The following RORC variants were observed in gnomAD, a reference collection of about 807,000 sequenced individuals.
RORC encodes the protein nuclear receptor ROR-gamma.
Under a neutral mutation model 64.5 loss-of-function variants are expected in RORC, and 13 were observed. The observed-to-expected ratio is 0.20, with a 90% CI of 0.13 to 0.32. The LOEUF is 0.32. Ranked by LOEUF, RORC falls within the 10% of genes least tolerant of loss-of-function variation. RORC has a pLI of 1.00. For missense variants in RORC, 468 were observed against 669.5 expected (o/e 0.70, Z 3.32); for synonymous variants, 277 against 259.3 (o/e 1.07, Z -0.65).
intron 2 of RORC, among the ~76,000 whole-genome samples, chr1:151,817,592 C>T (rs968468715): frequency 6.9e-5 from 10 of 144,254 alleles, no homozygotes; most frequent in African/African-American, 2.4e-4. Flanking sequence ...AGTTGAAAAG[C>T]TCCAGTTGCC....
chr1:151,826,561 C>T (rs1343017692), intron 2 of RORC, among the ~76,000 whole-genome samples: 3 of 152,206 alleles, frequency 2.0e-5, no homozygotes, highest in Admixed American at 6.5e-5. Flanking sequence ...CACTCCCATG[C>T]CCACGCTCCT....
intron 2 of RORC, among the ~76,000 whole-genome samples, chr1:151,824,960 G>A (rs142710558): frequency 5.4e-4 from 82 of 152,288 alleles, no homozygotes; most frequent in African/African-American, 2.0e-3. Context: ...GGTTGAAGCT[G>A]GGGCTGCTTC....
intron 2 of RORC, among the ~76,000 whole-genome samples, chr1:151,820,338 G>A (rs949969): frequency 0.18 from 27,975 of 152,084 alleles, 3,407 homozygotes; most frequent in South Asian, 0.39. Context: ...AGCTACCCCT[G>A]GGAGACACGT....
intron 1 of RORC, chr1:151,831,493 C>T (rs1652417851): frequency 3.5e-6 from 1 of 284,824 alleles, no homozygotes; most frequent in African/African-American, 2.3e-5. Context: ...TCTCCCGCTT[C>T]TCCCTTTCTT....
intron 2 of RORC, among the ~76,000 whole-genome samples, chr1:151,827,848 A>G (rs1275076708): frequency 6.6e-6 from 1 of 152,080 alleles, no homozygotes; most frequent in Non-Finnish European, 1.5e-5. Flanking sequence ...GTCCTGGCTG[A>G]GGTTTCTGAG....
chr1:151,822,677 G>A (rs571823260), intron 2 of RORC, among the ~76,000 whole-genome samples: 2 of 152,332 alleles, frequency 1.3e-5, no homozygotes, highest in Admixed American at 1.3e-4. Flanking sequence ...AGGGCCATCT[G>A]TCCCTCATCC....
rs751170931 is a variant in RORC at position 151,814,377 on chromosome 1, C to T, written c.933+197G>A. ...TTAATAGGCAAGAACTAAGGAAAAG[C>T]GCTCATCCATCTGCTGGGGTGTAGA... On this transcript the variant is annotated intron_variant, in intron 6 of 10. Transcript: ENST00000318247. 79 of 559,270 alleles carry T rather than the reference C, an allele frequency of 1.4e-4. 1 individual carries two copies. Among genetic ancestry groups the T allele is most frequent in the South Asian group, 2.7e-4 (11 of 41,174 alleles). The allele number at this position is 559,270 out of a possible 1,614,324, so 34.6% of individuals were successfully genotyped here.
chr1:151,826,224 G>T, intron 2 of RORC: 1 of 517,250 alleles, frequency 1.9e-6, no homozygotes, highest in East Asian at 3.9e-5. Flanking sequence ...GGGTGTGAGG[G>T]GAGGGGCAGC....
At chr1:151,814,523 C>T in intron 6 of RORC, 51 bp downstream of exon 6, 4 of 1,573,138 alleles carry the variant, frequency 2.5e-6, no homozygotes, top group Non-Finnish European at 3.5e-6. Context: ...TCTCTGAACT[C>T]TCCCGGTGGG....
In RORC at chr1:151,807,667, T is replaced by G; in HGVS notation, c.1396-34A>C. On this transcript the variant is annotated intron_variant, in intron 10 of 10. Coordinates refer to ENST00000318247, the MANE Select transcript of RORC (RefSeq NM_005060.4). The surrounding 1 kb of genome is among the most constrained non-coding windows in gnomAD (Gnocchi z 5.0). ...GGGTTAATGGGGAAGGGAGGGTCAA[T>G]ACTTCAGCTCTCCTCAGAGCAAAGA... 1.9e-6 allele frequency: 3 copies of G among 1,610,222 alleles called. No homozygotes were observed. The East Asian group carries it at 6.7e-5, about 36-fold the overall frequency.
chr1:151,816,637 C>A, intron 4 of RORC, 27 bp downstream of exon 4: 2 of 1,589,224 alleles, frequency 1.3e-6, no homozygotes, highest in South Asian at 1.1e-5. Flanking sequence ...CCAGGAAAAC[C>A]CCAGGGGGCT....
At chr1:151,828,927 C>T (rs1454428600) in intron 2 of RORC, among the ~76,000 whole-genome samples, 4 of 150,222 alleles carry the variant, frequency 2.7e-5, no homozygotes, top group African/African-American at 7.4e-5. Context: ...TGCAGTGAGC[C>T]GAGATTGTGC....
chr1:151,820,068 G>A (rs769029585), intron 2 of RORC, among the ~76,000 whole-genome samples: 4 of 152,078 alleles, frequency 2.6e-5, no homozygotes, highest in Non-Finnish European at 2.9e-5. Flanking sequence ...GAAAATCCAC[G>A]CTTGTATCCT....
chr1:151,811,316 T>G lies in RORC; in HGVS notation c.1395+9A>C. The G allele has an allele frequency of 6.3e-7, 1 of 1,596,020 alleles. No individual in the cohort carries two copies. The highest frequency in any genetic ancestry group is 8.6e-7 in the Non-Finnish European group (1 of 1,163,800). ...GCCTGGCCTCTTCTACCCCAGGGAC[T>G]GCTCCTACCTTTGCCAGGATGCTTT... On this transcript the variant is annotated intron_variant, in intron 10 of 10. Transcript: ENST00000318247.
At position 151,822,974 on chromosome 1, in the gene RORC, G is replaced by A. The variant is rs1036593024; in HGVS notation, c.71-5694C>T. The stretch of plus-strand genomic sequence containing the variant: ...TGTTAGTTTGAGTCAGCAGCACAGC[G>A]GCAGGGGATGGGGAGGAGCCCTTGG... On this transcript the variant is annotated intron_variant, in intron 2 of 10. Transcript: ENST00000318247. Among the ~76,000 whole-genome samples, 3 of 152,204 alleles carry A rather than the reference G, an allele frequency of 2.0e-5. No homozygotes were observed. The South Asian group carries it at 6.2e-4, about 32-fold the overall frequency.
rs961603000 is a variant in RORC, at chr1:151,830,989, CTT to C, written c.40+734_40+735del. 7.9e-5 allele frequency: 102 copies of C among 1,289,234 alleles called. No homozygotes were observed. The highest frequency in any genetic ancestry group is 1.0e-4 in the Non-Finnish European group (99 of 988,824). The allele number at this position is 1,289,234 out of a possible 1,614,324, so 79.9% of individuals were successfully genotyped here. ...GAGCTTGGTGGCTCTGGCCCTCAAA[CTT>C]TCCTCCTCCATGCTCACAGCTGACC... On this transcript the variant is annotated intron_variant, in intron 1 of 10. Coordinates refer to ENST00000318247, the MANE Select transcript of RORC (RefSeq NM_005060.4). The surrounding 1 kb of genome is among the most constrained non-coding windows in gnomAD (Gnocchi z 4.0).
chr1:151,811,292 C>T, intron 10 of RORC, 33 bp downstream of exon 10: 4 of 1,432,594 alleles, frequency 2.8e-6, no homozygotes, highest in Non-Finnish European at 3.9e-6. Flanking sequence ...TAGCGATGGG[C>T]CTGGCCTCTT....
intron 2 of RORC, among the ~76,000 whole-genome samples, chr1:151,822,318 G>GGGGGA: frequency 6.6e-6 from 1 of 151,912 alleles, no homozygotes; most frequent in Non-Finnish European, 1.5e-5. Context: ...CTGGGTGGGG[G>GGGGGA]CTGGGGGAGA....
intron 2 of RORC, among the ~76,000 whole-genome samples, chr1:151,819,069 C>A (rs1172178262): frequency 6.6e-6 from 1 of 152,176 alleles, no homozygotes; most frequent in Non-Finnish European, 1.5e-5. Flanking sequence ...GCTTCCAGTG[C>A]TCACACTGTA....
Sources: gnomAD v4.1 joint callset for allele counts (sites outside exome capture counted in the v4.1 genomes callset) on GRCh38, gnomAD v4.1.1 for gene constraint, Gnocchi (gnomAD v3.1) non-coding constraint, MANE v1.5 for transcripts, NCBI Gene and HGNC (gene_info 2026-07-23, HGNC 2026-07-21) for gene names.